Variants in NPAS3 observed in about 807,000 individuals in gnomAD.
The protein encoded by NPAS3 is neuronal PAS domain-containing protein 3.
Under a neutral mutation model 73.1 loss-of-function variants are expected in NPAS3, and 14 were observed. That is an observed-to-expected ratio of 0.19 (90% CI 0.13 to 0.30). The LOEUF (loss-of-function observed/expected upper bound fraction) is 0.30. Among genes scored for constraint, NPAS3 ranks in the 10% least tolerant of loss-of-function variants. The pLI is 1.00. For missense variants in NPAS3, 1,096 were observed against 1,250.0 expected (o/e 0.88, Z 1.86); for synonymous variants, 620 against 541.5 (o/e 1.14, Z -2.01).
intron 2 of NPAS3, among the ~76,000 whole-genome samples, chr14:33,069,273 C>T (rs1595373492): frequency 1.3e-5 from 2 of 152,166 alleles, no homozygotes; most frequent in Admixed American, 6.5e-5. Flanking sequence ...ACCTTTCCCT[C>T]GTAAACTTAG....
chr14:33,778,680 AG>A (rs1398355943), intron 9 of NPAS3, 108 bp downstream of exon 9: 16 of 722,588 alleles, frequency 2.2e-5, no homozygotes, highest in Non-Finnish European at 3.2e-5. Context: ...TGTACATTTC[AG>A]ATGACTGTCA....
At chr14:33,137,889 A>C (rs2043896027) in intron 2 of NPAS3, among the ~76,000 whole-genome samples, 1 of 152,128 alleles carries the variant, frequency 6.6e-6, no homozygotes, top group African/African-American at 2.4e-5. Context: ...TAGACTAGAG[A>C]TTCTCAATAG....
intron 4 of NPAS3, among the ~76,000 whole-genome samples, chr14:33,425,368 T>C (rs2048513963): frequency 6.6e-6 from 1 of 151,994 alleles, no homozygotes; most frequent in African/African-American, 2.4e-5. Flanking sequence ...CAGGAGTTGA[T>C]GAGTTAGTTA....
chr14:33,438,139 C>G (rs1353325104), intron 4 of NPAS3, among the ~76,000 whole-genome samples: 1 of 152,092 alleles, frequency 6.6e-6, no homozygotes. Context: ...GATAATGTGA[C>G]TTCATGTGAA....
At chr14:33,198,021 GGTGA>G (rs1333294685) in intron 2 of NPAS3, among the ~76,000 whole-genome samples, 20 of 152,114 alleles carry the variant, frequency 1.3e-4, no homozygotes, top group African/African-American at 4.8e-4. Context: ...AGACCTTCAC[GGTGA>G]GTATTACAGC....
intron 5 of NPAS3, among the ~76,000 whole-genome samples, chr14:33,674,568 C>A (rs970020446): frequency 5.9e-5 from 9 of 152,170 alleles, no homozygotes; most frequent in African/African-American, 1.4e-4. Flanking sequence ...GTAATCCCCC[C>A]CTCCCAGAGG....
intron 2 of NPAS3, among the ~76,000 whole-genome samples, chr14:33,166,887 T>A (rs1465956620): frequency 1.3e-5 from 2 of 152,106 alleles, no homozygotes; most frequent in Non-Finnish European, 2.9e-5. Context: ...CGAATGCTTT[T>A]CATTTCACTT....
chr14:33,411,999 G>T lies in NPAS3; in HGVS notation c.468+44731G>T, dbSNP rs578179521. On this transcript the variant is annotated intron_variant, in intron 4 of 11. Coordinates refer to ENST00000356141, the Ensembl canonical transcript of NPAS3. ...GTATAACTCAATGTACAATGTAAAA[G>T]CTATACTATATGGCACCCTAACACT... Among the ~76,000 whole-genome samples, 6 of 152,230 alleles carry T rather than the reference G, an allele frequency of 3.9e-5. No homozygotes were observed. In the South Asian group the frequency reaches 1.2e-3, roughly 32 times the overall value.
chr14:33,370,346 A>G (rs1051033090), intron 4 of NPAS3, among the ~76,000 whole-genome samples: 1 of 152,192 alleles, frequency 6.6e-6, no homozygotes, highest in Non-Finnish European at 1.5e-5. Flanking sequence ...AGGCAAAGAA[A>G]AGGGAAGAAT....
intron 7 of NPAS3, among the ~76,000 whole-genome samples, chr14:33,770,987 C>G (rs2062632766): frequency 6.6e-6 from 1 of 152,148 alleles, no homozygotes; most frequent in Non-Finnish European, 1.5e-5. Flanking sequence ...AACCTGGAAA[C>G]AAAGCAAGTC....
chr14:33,094,642 T>C (rs2042344967), intron 2 of NPAS3, among the ~76,000 whole-genome samples: 2 of 152,090 alleles, frequency 1.3e-5, no homozygotes, highest in East Asian at 3.9e-4. Flanking sequence ...ATTTTTGTAT[T>C]TTTCGTAGAG....
At chr14:33,247,790 T>C (rs1173101624) in intron 3 of NPAS3, among the ~76,000 whole-genome samples, 1 of 152,228 alleles carries the variant, frequency 6.6e-6, no homozygotes, top group Non-Finnish European at 1.5e-5. Flanking sequence ...AATAGCACTT[T>C]TTTATTTTTT....
At chr14:33,210,111 A>G (rs1217717863) in intron 2 of NPAS3, among the ~76,000 whole-genome samples, 2 of 152,236 alleles carry the variant, frequency 1.3e-5, no homozygotes, top group East Asian at 3.8e-4. Flanking sequence ...CATAATCATT[A>G]TAACCTTCTC....
chr14:33,710,098 T>C (rs1368811863), intron 6 of NPAS3, among the ~76,000 whole-genome samples: 1 of 152,248 alleles, frequency 6.6e-6, no homozygotes, highest in Non-Finnish European at 1.5e-5. Flanking sequence ...GATTTTCATA[T>C]TACATTAGCA....
At chr14:33,091,422 C>G (rs1466381014) in intron 2 of NPAS3, among the ~76,000 whole-genome samples, 1 of 152,158 alleles carries the variant, frequency 6.6e-6, no homozygotes, top group Non-Finnish European at 1.5e-5. Flanking sequence ...CACATACACC[C>G]TCCCAAGACT....
intron 1 of NPAS3, among the ~76,000 whole-genome samples, chr14:33,051,280 C>CAAAAAAAAAAAAAAAAAAA (rs1236766783): frequency 9.3e-5 from 6 of 64,252 alleles, no homozygotes; most frequent in African/African-American, 2.6e-4. Context: ...GACTCCGTCT[C>CAAAAAAAAAAAAAAAAAAA]AAAAAAAAAA....
chr14:33,292,486 C>G (rs1466182137), intron 3 of NPAS3, among the ~76,000 whole-genome samples: 1 of 152,012 alleles, frequency 6.6e-6, no homozygotes, highest in Non-Finnish European at 1.5e-5. Flanking sequence ...ATAAAAATCA[C>G]CCCTTCATAT....
At chr14:33,697,073 C>T (rs2060403648) in intron 6 of NPAS3, among the ~76,000 whole-genome samples, 2 of 152,288 alleles carry the variant, frequency 1.3e-5, no homozygotes, top group Admixed American at 1.3e-4. Flanking sequence ...GTTTATAAAG[C>T]CAGCTACTGC....
chr14:33,360,723 A>T (rs571363709), intron 3 of NPAS3, among the ~76,000 whole-genome samples: 4 of 152,272 alleles, frequency 2.6e-5, no homozygotes, highest in African/African-American at 7.2e-5. Context: ...ACCATTTTTT[A>T]AAATTAGTAA....
Sources: allele counts gnomAD v4.1 joint callset (sites outside exome capture counted in the v4.1 genomes callset), GRCh38; gene constraint gnomAD v4.1.1; transcripts MANE v1.5; gene names NCBI Gene and HGNC (gene_info 2026-07-23, HGNC 2026-07-21).